Variants in SLA observed in about 807,000 individuals in gnomAD.
SLA encodes Src like adaptor, also known as src-like-adapter.
SLA carries 16 observed loss-of-function variants against 30.3 expected under a neutral mutation model. The observed-to-expected ratio is 0.53, with a 90% CI of 0.36 to 0.80. SLA has a LOEUF of 0.80. SLA is among the 30% of genes least tolerant of loss of function. The probability of loss-of-function intolerance (pLI) is 0.01; values close to 1 mark genes in which losing one functional copy is unlikely to be tolerated. For synonymous variants in SLA, 143 were observed against 137.8 expected, an observed-to-expected ratio of 1.04 and a Z score of -0.26; for missense variants, 310 against 345.2, an observed-to-expected ratio of 0.90 and a Z score of 0.81.
At chr8:133,067,684 G>C (rs1843218998) in intron 2 of SLA, among the ~76,000 whole-genome samples, 1 of 152,038 alleles carries the variant, frequency 6.6e-6, no homozygotes, top group Admixed American at 6.6e-5. Context: ...GCTGAGGCAG[G>C]AGAATCACTT....
chr8:133,067,912 AAGGAAAG>A (rs760573165), intron 2 of SLA, among the ~76,000 whole-genome samples: 4,911 of 60,584 alleles, frequency 0.081, 188 homozygotes, highest in Non-Finnish European at 0.13. Flanking sequence ...GGAAGGAAGG[AAGGAAAG>A]AGAGAGAGAG....
chr8:133,047,591 C>T, intron 6 of SLA: 1 of 543,476 alleles, frequency 1.8e-6, no homozygotes, highest in Non-Finnish European at 3.3e-6. Context: ...CAGGAGTCAT[C>T]AGGCCTGATG....
intron 1 of SLA, among the ~76,000 whole-genome samples, chr8:133,095,451 C>T (rs1036808168): frequency 5.3e-5 from 8 of 152,134 alleles, no homozygotes; most frequent in African/African-American, 1.9e-4. Context: ...TTATTTATAA[C>T]ATGGGAATAG....
intron 1 of SLA, among the ~76,000 whole-genome samples, chr8:133,086,552 A>G (rs1223726930): frequency 1.3e-5 from 2 of 151,782 alleles, no homozygotes; most frequent in Non-Finnish European, 1.5e-5. Context: ...CTTTTTGATG[A>G]AAAAAAACTA....
intron 7 of SLA, among the ~76,000 whole-genome samples, chr8:133,043,899 C>T (rs767111688): frequency 1.4e-4 from 21 of 152,318 alleles, no homozygotes; most frequent in Non-Finnish European, 2.9e-4. Flanking sequence ...TTCTTTCCTC[C>T]CTCCAATATG....
At chr8:133,087,435 T>A (rs898603623) in intron 1 of SLA, among the ~76,000 whole-genome samples, 33 of 152,162 alleles carry the variant, frequency 2.2e-4, no homozygotes, top group African/African-American at 7.2e-4. Context: ...CCTTCCTCCC[T>A]CGGGGTGTGA....
At chr8:133,051,199 G>A (rs1444821831) in intron 3 of SLA, among the ~76,000 whole-genome samples, 2 of 152,186 alleles carry the variant, frequency 1.3e-5, no homozygotes, top group African/African-American at 4.8e-5. Context: ...GATGAGTCAT[G>A]GGGTCTGGCT....
intron 3 of SLA, among the ~76,000 whole-genome samples, chr8:133,053,443 C>T (rs752881154): frequency 5.9e-5 from 9 of 152,190 alleles, no homozygotes; most frequent in Non-Finnish European, 1.3e-4. Context: ...CCCTTAAATA[C>T]AGCTGTCAAG....
chr8:133,099,275 C>G (rs991993447), intron 1 of SLA, among the ~76,000 whole-genome samples: 1 of 152,224 alleles, frequency 6.6e-6, no homozygotes, highest in Non-Finnish European at 1.5e-5. Flanking sequence ...TTAGACCGTT[C>G]GTTTCTGGCT....
chr8:133,099,326 GC>G, intron 1 of SLA, among the ~76,000 whole-genome samples: 2 of 152,310 alleles, frequency 1.3e-5, no homozygotes, highest in East Asian at 3.9e-4. Context: ...CATTAGTGAA[GC>G]CACTGAGCAG....
chr8:133,096,313 C>A (rs374133544), intron 1 of SLA: 2 of 1,614,162 alleles, frequency 1.2e-6, no homozygotes, highest in Non-Finnish European at 1.7e-6. Context: ...GGGTAGAGGT[C>A]GATCTGCTCA....
At chr8:133,047,763 G>GTTT in intron 6 of SLA, 67 bp downstream of exon 6, 1 of 883,492 alleles carries the variant, frequency 1.1e-6, no homozygotes, top group Non-Finnish European at 1.9e-6. Context: ...GCCGTGTAAT[G>GTTT]AGTCAGCCAG....
intron 1 of SLA, chr8:133,095,167 C>A (rs201444172): frequency 3.7e-6 from 6 of 1,614,066 alleles, no homozygotes; most frequent in Admixed American, 1.7e-5. Context: ...GTCCTGCCTC[C>A]GCCAGAAGCC....
Position 133,038,487 on chromosome 8 carries a change from G to A in SLA, c.*37C>T. The A allele has an allele frequency of 1.3e-6, 2 of 1,493,360 alleles. No homozygotes were observed. The highest frequency in any genetic ancestry group is 1.1e-5 in the South Asian group (1 of 88,616). The allele number at this position is 1,493,360 out of a possible 1,614,324, so 92.5% of individuals were successfully genotyped here. On this transcript the variant is annotated 3_prime_UTR_variant, in exon 9 of 9. Transcript: ENST00000338087. Reference sequence around the variant, plus strand: ...ATCCCAGGCAATAGTTGGAACTTCTGTTCCTTTTGGGCATGAACCATTGTG... The same window carrying A: ...ATCCCAGGCAATAGTTGGAACTTCTATTCCTTTTGGGCATGAACCATTGTG...
chr8:133,039,161 G>C, intron 8 of SLA, among the ~76,000 whole-genome samples: 1 of 152,188 alleles, frequency 6.6e-6, no homozygotes, highest in East Asian at 1.9e-4. Flanking sequence ...TTACAGGCGT[G>C]AGCCACCGCG....
At chr8:133,067,108 G>A (rs1406475949) in intron 2 of SLA, among the ~76,000 whole-genome samples, 1 of 152,178 alleles carries the variant, frequency 6.6e-6, no homozygotes, top group South Asian at 2.1e-4. Context: ...AGCTGGCACA[G>A]GGGCTTAGCA....
At chr8:133,074,022 T>G (rs1396217900) in intron 2 of SLA, among the ~76,000 whole-genome samples, 1 of 152,178 alleles carries the variant, frequency 6.6e-6, no homozygotes, top group East Asian at 1.9e-4. Context: ...ATGAGGACAT[T>G]CTGAGGCCAA....
intron 1 of SLA, among the ~76,000 whole-genome samples, chr8:133,081,479 G>A (rs1264894482): frequency 3.3e-5 from 5 of 152,108 alleles, no homozygotes; most frequent in Admixed American, 2.0e-4. Flanking sequence ...TTGGATCAGC[G>A]GTCCATCTGG....
intron 7 of SLA, among the ~76,000 whole-genome samples, chr8:133,041,015 G>C (rs1020845299): frequency 6.6e-6 from 1 of 152,164 alleles, no homozygotes. Context: ...CTCTTGGAAG[G>C]CTTCTCCCTA....
Sources: gnomAD v4.1 joint callset for allele counts (sites outside exome capture counted in the v4.1 genomes callset) on GRCh38, gnomAD v4.1.1 for gene constraint, MANE v1.5 for transcripts, NCBI Gene and HGNC (gene_info 2026-07-23, HGNC 2026-07-21) for gene names.